Variants in CRISPLD2 observed in about 807,000 individuals in gnomAD.
CRISPLD2 encodes the protein cysteine-rich secretory protein LCCL domain-containing 2.
Under a neutral mutation model 71.1 loss-of-function variants are expected in CRISPLD2, and 47 were observed. The observed-to-expected ratio is 0.66, with a 90% confidence interval of 0.52 to 0.84. The LOEUF (loss-of-function observed/expected upper bound fraction) is 0.84, where lower values mean the gene tolerates loss of function less well. CRISPLD2 is among the 40% of genes least tolerant of loss of function. The pLI is 0.00. For missense variants in CRISPLD2, 830 were observed against 651.1 expected, an observed-to-expected ratio of 1.27 and a Z score of -2.99; for synonymous variants, 317 against 250.1, an observed-to-expected ratio of 1.27 and a Z score of -2.52.
chr16:84,900,024 C>T (rs1890119746), intron 14 of CRISPLD2, among the ~76,000 whole-genome samples: 2 of 152,264 alleles, frequency 1.3e-5, no homozygotes, highest in South Asian at 4.1e-4. Flanking sequence ...GAGGAGGGCC[C>T]TGGAATCTGA....
intron 4 of CRISPLD2, 39 bp downstream of exon 4, chr16:84,849,556 C>A (rs995818119): frequency 1.2e-6 from 2 of 1,601,926 alleles, no homozygotes; most frequent in African/African-American, 1.3e-5. Flanking sequence ...CCCTGCCCCC[C>A]AATCCCAGTC....
intron 5 of CRISPLD2, 113 bp from the exon 6 acceptor site, chr16:84,854,616 C>T (rs1305828037): frequency 1.3e-6 from 1 of 767,962 alleles, no homozygotes; most frequent in African/African-American, 1.7e-5. Context: ...CAACCTTCCC[C>T]CCTGACCTGT....
At chr16:84,876,264 C>A (rs1908969) in intron 11 of CRISPLD2, among the ~76,000 whole-genome samples, 1 of 152,110 alleles carries the variant, frequency 6.6e-6, no homozygotes, top group East Asian at 1.9e-4. Flanking sequence ...CACTTTGAGA[C>A]GTCCAGGCAG....
intron 14 of CRISPLD2, among the ~76,000 whole-genome samples, chr16:84,891,140 A>G (rs58475142): frequency 0.17 from 25,392 of 152,224 alleles, 2,365 homozygotes; most frequent in South Asian, 0.24. Context: ...GGACATTAAC[A>G]TATGGATTTT....
At chr16:84,839,169 G>C (rs544080663) in intron 2 of CRISPLD2, 158 of 351,318 alleles carry the variant, frequency 4.5e-4, no homozygotes, top group South Asian at 1.2e-3. Context: ...TTATAGGCAT[G>C]AGTCACCCTG....
At chr16:84,858,731 A>G (rs1240342848) in intron 6 of CRISPLD2, among the ~76,000 whole-genome samples, 10 of 152,240 alleles carry the variant, frequency 6.6e-5, no homozygotes, top group Non-Finnish European at 2.9e-5. Flanking sequence ...AGGACAATAA[A>G]GATACATTGC....
chr16:84,905,654 G>C (rs1666332164), intron 14 of CRISPLD2, among the ~76,000 whole-genome samples: 1 of 79,700 alleles, frequency 1.3e-5, no homozygotes, highest in African/African-American at 6.8e-5. Flanking sequence ...GCCTCCCAAA[G>C]TGCTGGGATT....
chr16:84,834,071 G>A (rs72799551), intron 1 of CRISPLD2, among the ~76,000 whole-genome samples: 25,877 of 152,140 alleles, frequency 0.17, 2,307 homozygotes, highest in Middle Eastern at 0.24. Context: ...GCTGCGTTCC[G>A]GCTCCAGACT....
At chr16:84,868,968 C>A in intron 8 of CRISPLD2, 57 bp downstream of exon 8, 2 of 1,464,634 alleles carry the variant, frequency 1.4e-6, no homozygotes, top group Non-Finnish European at 1.9e-6. Flanking sequence ...GCTGGGCTGT[C>A]CTACCACTGT....
intron 11 of CRISPLD2, among the ~76,000 whole-genome samples, chr16:84,875,803 TG>T: frequency 6.6e-6 from 1 of 150,758 alleles, no homozygotes; most frequent in East Asian, 2.0e-4. Context: ...TGACCTCAGG[TG>T]ATCCACCCGC....
At chr16:84,897,363 A>C (rs2071715523) in intron 14 of CRISPLD2, among the ~76,000 whole-genome samples, 1 of 151,516 alleles carries the variant, frequency 6.6e-6, no homozygotes, top group South Asian at 2.1e-4. Context: ...GAGGTAGGAG[A>C]ATTGATTGAA....
At chr16:84,904,076 A>T (rs2071779582) in intron 14 of CRISPLD2, among the ~76,000 whole-genome samples, 1 of 152,234 alleles carries the variant, frequency 6.6e-6, no homozygotes, top group East Asian at 1.9e-4. Context: ...TGCAGTTATC[A>T]TCTGGGGCAG....
chr16:84,899,975 G>C (rs1418841875), intron 14 of CRISPLD2, among the ~76,000 whole-genome samples: 1 of 152,128 alleles, frequency 6.6e-6, no homozygotes, highest in Non-Finnish European at 1.5e-5. Flanking sequence ...TATTCACTTG[G>C]ACAGAGAATT....
intron 13 of CRISPLD2, among the ~76,000 whole-genome samples, chr16:84,887,958 C>T (rs2071627659): frequency 6.6e-6 from 1 of 152,216 alleles, no homozygotes; most frequent in Non-Finnish European, 1.5e-5. Context: ...TAGATCCACC[C>T]ACAGTGGGGG....
intron 10 of CRISPLD2, 27 bp from the exon 11 acceptor site, chr16:84,873,892 CG>C (rs767833314): frequency 7.2e-6 from 10 of 1,382,264 alleles, no homozygotes; most frequent in South Asian, 2.5e-5. Flanking sequence ...ACCTAATGCC[CG>C]TTTTTTTTTT....
intron 1 of CRISPLD2, chr16:84,829,279 G>A (rs1286977228): frequency 5.9e-5 from 9 of 152,282 alleles, no homozygotes; most frequent in Admixed American, 5.9e-4. Context: ...ATCCTGCCAA[G>A]AAGGGTTTAA....
chr16:84,878,701 G>A (rs981194698), intron 12 of CRISPLD2, among the ~76,000 whole-genome samples: 2 of 152,180 alleles, frequency 1.3e-5, no homozygotes, highest in East Asian at 3.9e-4. Flanking sequence ...CTCTTGGGAA[G>A]GGAACACAGG....
chr16:84,876,707 C>G (rs1412148599), intron 11 of CRISPLD2, among the ~76,000 whole-genome samples: 1 of 151,202 alleles, frequency 6.6e-6, no homozygotes, highest in Non-Finnish European at 1.5e-5. Flanking sequence ...GCAGGAGAAT[C>G]AGTTGAACTC....
At chr16:84,851,206 A>T (rs772640347) in intron 5 of CRISPLD2, among the ~76,000 whole-genome samples, 1 of 152,322 alleles carries the variant, frequency 6.6e-6, no homozygotes, top group South Asian at 2.1e-4. Context: ...CCTAGAAAAC[A>T]CATGTTCACA....
Sources: gnomAD v4.1 joint callset for allele counts (sites outside exome capture counted in the v4.1 genomes callset) on GRCh38, gnomAD v4.1.1 for gene constraint, MANE v1.5 for transcripts, NCBI Gene and HGNC (gene_info 2026-07-23, HGNC 2026-07-21) for gene names.